Variants in MRPS9 observed in about 807,000 individuals in gnomAD.
The protein encoded by MRPS9 is mitochondrial ribosomal protein S9, also known as small ribosomal subunit protein uS9m.
In MRPS9, 45 loss-of-function variants were observed where a neutral mutation model predicts 59.9. The ratio of observed to expected loss-of-function variants is 0.75; its 90% CI spans 0.59 to 0.96. MRPS9 has a LOEUF of 0.96. Among genes scored for constraint, MRPS9 ranks in the 40% least tolerant of loss-of-function variants. The pLI, the probability that MRPS9 is intolerant of heterozygous loss-of-function variation, is 0.00. For synonymous variants in MRPS9, 171 were observed against 166.8 expected (o/e 1.03, Z -0.19); for missense variants, 473 against 481.1 (o/e 0.98, Z 0.16).
chr2:105,060,716 T>C (rs1409076814), intron 2 of MRPS9, among the ~76,000 whole-genome samples: 3 of 152,196 alleles, frequency 2.0e-5, no homozygotes, highest in African/African-American at 7.2e-5. Context: ...GTCTACCATT[T>C]GCAATGAGAA....
chr2:105,052,911 A>G (rs978600483), intron 2 of MRPS9, among the ~76,000 whole-genome samples: 2 of 151,958 alleles, frequency 1.3e-5, no homozygotes, highest in African/African-American at 4.8e-5. Flanking sequence ...ACTCTTAACT[A>G]CCTTTTTGGT....
chr2:105,090,276 G>A (rs919909680), intron 7 of MRPS9, among the ~76,000 whole-genome samples: 4 of 152,192 alleles, frequency 2.6e-5, no homozygotes, highest in African/African-American at 9.6e-5. Flanking sequence ...AGTTGTTTTA[G>A]GGAAGCACGG....
chr2:105,079,488 T>C (rs1003497706), intron 4 of MRPS9, among the ~76,000 whole-genome samples: 1 of 152,170 alleles, frequency 6.6e-6, no homozygotes, highest in East Asian at 1.9e-4. Flanking sequence ...TGTTTTAAAC[T>C]CTCGGAGGTT....
intron 1 of MRPS9, among the ~76,000 whole-genome samples, chr2:105,040,889 G>C (rs374564898): frequency 3.5e-4 from 53 of 152,302 alleles, no homozygotes; most frequent in African/African-American, 1.2e-3. Context: ...AAGGAAAATA[G>C]CGTCTTTAGC....
intron 2 of MRPS9, among the ~76,000 whole-genome samples, chr2:105,056,241 C>G (rs2104445107): frequency 6.8e-6 from 1 of 147,410 alleles, no homozygotes; most frequent in South Asian, 2.2e-4. Context: ...GTTCTTTCTA[C>G]TCTTTCAGAT....
At chr2:105,041,306 A>G (rs1679497406) in intron 1 of MRPS9, among the ~76,000 whole-genome samples, 1 of 152,212 alleles carries the variant, frequency 6.6e-6, no homozygotes, top group Non-Finnish European at 1.5e-5. Context: ...ACCAATTGCT[A>G]TTTTGAAAAA....
intron 2 of MRPS9, among the ~76,000 whole-genome samples, chr2:105,064,109 A>G (rs1037976388): frequency 9.2e-5 from 14 of 152,318 alleles, no homozygotes; most frequent in Non-Finnish European, 1.2e-4. Context: ...CTCCCTACAG[A>G]AATTTGCTAG....
In MRPS9 at chr2:105,071,493, A is replaced by G. The variant is rs1485509218; in HGVS notation, c.409+4A>G. On this transcript the variant is annotated splice_donor_region_variant and intron_variant, in intron 4 of 10. Transcript: ENST00000258455. Reference sequence around the variant, plus strand: ...CAGATTTTTCCAAGACAAAGAGGTAAGTTTGTTCAAGAATGAGAGAAACAG... The same window carrying G: ...CAGATTTTTCCAAGACAAAGAGGTAGGTTTGTTCAAGAATGAGAGAAACAG... The G allele has an allele frequency of 6.2e-7, 1 of 1,603,056 alleles. No individual in the cohort carries two copies. The highest frequency in any genetic ancestry group is 8.5e-7 in the Non-Finnish European group (1 of 1,173,212).
intron 5 of MRPS9, among the ~76,000 whole-genome samples, chr2:105,084,844 A>G (rs1181212630): frequency 2.0e-5 from 3 of 152,178 alleles, no homozygotes; most frequent in African/African-American, 7.2e-5. Context: ...AATAATTACC[A>G]TTGTATATCT....
Position 105,071,444 on chromosome 2 carries a change from T to C in MRPS9, c.379-15T>C. On this transcript the variant is annotated splice_polypyrimidine_tract_variant and intron_variant, in intron 3 of 10. Transcript: ENST00000258455. Reference sequence around the variant, plus strand: ...TTATGATAATTATCTAATACATTATTAATTTATTTTACAGCATCCTGAACA... The same window carrying C: ...TTATGATAATTATCTAATACATTATCAATTTATTTTACAGCATCCTGAACA... 1 of 1,595,948 alleles carries C rather than the reference T, an allele frequency of 6.3e-7. No homozygotes were observed. Among genetic ancestry groups the C allele is most frequent in the Non-Finnish European group, 8.6e-7 (1 of 1,168,170 alleles).
In MRPS9 at chr2:105,089,995, TGTGA is replaced by T; in HGVS notation, c.651+3_651+6del. On this transcript the variant is annotated splice_donor_variant and splice_donor_region_variant and intron_variant, in intron 7 of 10. Transcript: ENST00000258455. LOFTEE classifies it high-confidence loss of function. ...TAGTGGAAAAACTGTCAGATCTAGA[TGTGA>T]GTAATTAATCTTTTTAATTTAAGGG... The T allele has an allele frequency of 6.4e-7, 1 of 1,573,892 alleles. No individual in the cohort carries two copies. The highest frequency in any genetic ancestry group is 8.7e-7 in the Non-Finnish European group (1 of 1,148,084).
At chr2:105,088,930 T>C in intron 5 of MRPS9, 54 bp from the exon 6 acceptor site, 1 of 1,232,652 alleles carries the variant, frequency 8.1e-7, no homozygotes, top group African/African-American at 1.5e-5. Context: ...TCAGAAGTTA[T>C]AATGTACCAT....
chr2:105,061,109 C>CAAAAAAAAAA (rs751155585), intron 2 of MRPS9, among the ~76,000 whole-genome samples: 1 of 47,982 alleles, frequency 2.1e-5, no homozygotes, highest in African/African-American at 7.9e-5. Flanking sequence ...GACTCTGTCT[C>CAAAAAAAAAA]AAAAAAAAAA....
At chr2:105,066,710 G>A (rs953400232) in intron 2 of MRPS9, among the ~76,000 whole-genome samples, 3 of 151,874 alleles carry the variant, frequency 2.0e-5, no homozygotes, top group African/African-American at 7.3e-5. Context: ...AGTCTTCCAC[G>A]CCATCTAGTA....
intron 2 of MRPS9, among the ~76,000 whole-genome samples, chr2:105,058,823 G>A (rs559715483): frequency 1.3e-5 from 2 of 151,906 alleles, no homozygotes; most frequent in South Asian, 2.1e-4. Flanking sequence ...GGGATTACAG[G>A]TGCCCACCAC....
chr2:105,097,368 A>G (rs1165090518), intron 10 of MRPS9, 44 bp downstream of exon 10: 1 of 1,446,232 alleles, frequency 6.9e-7, no homozygotes, highest in Non-Finnish European at 9.2e-7. Flanking sequence ...AATACTGGCT[A>G]TACATGTTCA....
chr2:105,097,790 T>C (rs921005536), intron 10 of MRPS9, among the ~76,000 whole-genome samples: 1 of 152,184 alleles, frequency 6.6e-6, no homozygotes, highest in Non-Finnish European at 1.5e-5. Context: ...AGCCTTAAAC[T>C]TCTGGGCTCG....
intron 2 of MRPS9, among the ~76,000 whole-genome samples, chr2:105,060,734 A>G (rs1207344271): frequency 6.6e-6 from 1 of 152,192 alleles, no homozygotes; most frequent in Non-Finnish European, 1.5e-5. Flanking sequence ...GAACTTGGGA[A>G]AGTCTCTTGA....
chr2:105,049,586 A>G (rs1206808828), intron 2 of MRPS9, among the ~76,000 whole-genome samples: 2 of 152,220 alleles, frequency 1.3e-5, no homozygotes, highest in East Asian at 1.9e-4. Context: ...CTCATACACT[A>G]TTGGGAAATG....
Sources: gnomAD v4.1 joint callset for allele counts (sites outside exome capture counted in the v4.1 genomes callset) on GRCh38, gnomAD v4.1.1 for gene constraint, MANE v1.5 for transcripts, NCBI Gene and HGNC (gene_info 2026-07-23, HGNC 2026-07-21) for gene names.